The following MFSD8 variants were observed in gnomAD, a reference collection of about 807,000 sequenced individuals.
The protein encoded by MFSD8 is major facilitator superfamily domain-containing protein 8.
In MFSD8, 55 loss-of-function variants were observed where a neutral mutation model predicts 66.4. That is an observed-to-expected ratio of 0.83 (90% CI 0.67 to 1.04). The LOEUF is 1.04. MFSD8 is among the 50% of genes least tolerant of loss of function. The pLI is 0.00. For synonymous variants in MFSD8, 202 were observed against 212.8 expected (o/e 0.95, Z 0.44); for missense variants, 550 against 627.6 (o/e 0.88, Z 1.32).
rs202196597 is a variant in MFSD8, at chr4:127,930,833, T to A, written c.864-16A>T. 2.2e-4 allele frequency: 348 copies of A among 1,588,630 alleles called. 3 individuals carry two copies. The East Asian group carries it at 6.6e-3, about 30-fold the overall frequency. ...AGTAATGATGCTAAGAAAAAAAAAA[T>A]TATTCTTATTTTATTTAAATCACAG... On this transcript the variant is annotated splice_polypyrimidine_tract_variant and intron_variant, in intron 8 of 11. Transcript: ENST00000641686.
intron 9 of MFSD8, 82 bp from the exon 10 acceptor site, chr4:127,922,045 AAAT>A: frequency 1.6e-6 from 2 of 1,224,360 alleles, no homozygotes; most frequent in Non-Finnish European, 2.4e-6. Context: ...TAAAAACTAA[AAAT>A]AATATCTTGT....
intron 6 of MFSD8, chr4:127,939,189 C>T (rs956656164): frequency 1.8e-5 from 3 of 163,686 alleles, no homozygotes; most frequent in African/African-American, 4.8e-5. Context: ...AAAATTTTTT[C>T]GAATATATAA....
intron 4 of MFSD8, 47 bp downstream of exon 4, chr4:127,943,705 G>A: frequency 6.2e-7 from 1 of 1,612,516 alleles, no homozygotes; most frequent in Non-Finnish European, 8.5e-7. Context: ...ATAAATGTCA[G>A]AATGAATGTG....
At chr4:127,962,922 T>C (rs756730674) in intron 1 of MFSD8, among the ~76,000 whole-genome samples, 6 of 152,154 alleles carry the variant, frequency 3.9e-5, no homozygotes, top group African/African-American at 7.2e-5. Context: ...GGTTGGTGCT[T>C]AAGGGGAACA....
chr4:127,948,114 T>C (rs1384502677), intron 3 of MFSD8, among the ~76,000 whole-genome samples: 1 of 152,164 alleles, frequency 6.6e-6, no homozygotes, highest in Admixed American at 6.5e-5. Flanking sequence ...TATTGAAAGG[T>C]AGGACCTTTA....
At chr4:127,937,244 T>C (rs1275656989) in intron 7 of MFSD8, among the ~76,000 whole-genome samples, 1 of 152,104 alleles carries the variant, frequency 6.6e-6, no homozygotes, top group Admixed American at 6.5e-5. Flanking sequence ...GCCTGTGGGA[T>C]TTTTTAGTTG....
intron 9 of MFSD8, among the ~76,000 whole-genome samples, chr4:127,926,519 CT>C (rs2148859500): frequency 6.6e-6 from 1 of 151,942 alleles, no homozygotes; most frequent in Admixed American, 6.6e-5. Context: ...TGTTTATTGG[CT>C]TTCCCCCTAC....
chr4:127,924,060 G>C, intron 9 of MFSD8, among the ~76,000 whole-genome samples: 1 of 152,062 alleles, frequency 6.6e-6, no homozygotes, highest in East Asian at 1.9e-4. Context: ...AAGGAATGGA[G>C]TTTCAGAAGG....
chr4:127,944,325 T>C (rs1318088673), intron 3 of MFSD8, among the ~76,000 whole-genome samples: 1 of 152,192 alleles, frequency 6.6e-6, no homozygotes, highest in East Asian at 1.9e-4. Flanking sequence ...ATATAAGCTA[T>C]TCTTTAATTC....
rs1300213171 is a variant in MFSD8 at position 127,918,517 on chromosome 4, T to C, written c.*2113A>G. 1.3e-5 allele frequency: 2 copies of C among 152,224 alleles called. No homozygotes were observed. The highest frequency in any genetic ancestry group is 1.9e-4 in the East Asian group (1 of 5,204). 9.4% of individuals were successfully genotyped at this position (152,224 alleles called of 1,614,324 possible). On this transcript the variant is annotated 3_prime_UTR_variant, in exon 12 of 12. Transcript: ENST00000641686. ...TATTCTTGCTGGAAACAGGTTATTATGCTAAGACAAAAGCTCCAGTCAGTG... is the reference window on the plus strand; with the variant it reads ...TATTCTTGCTGGAAACAGGTTATTACGCTAAGACAAAAGCTCCAGTCAGTG...
rs1165878895 is a variant in MFSD8 at position 127,964,681 on chromosome 4, T to C, written c.62+391A>G. The C allele has an allele frequency of 7.0e-5, 20 of 285,642 alleles. No homozygotes were observed. In the Admixed American group the frequency reaches 8.7e-4, roughly 12 times the overall value. 17.7% of individuals were successfully genotyped at this position (285,642 alleles called of 1,614,324 possible). ...CACCTTGGCCAGCCCAGAAAGGGGC[T>C]CCCACAGTGCAGCGGTGGGCTGAAG... On this transcript the variant is annotated intron_variant, in intron 1 of 11. Transcript: ENST00000641686.
intron 1 of MFSD8, among the ~76,000 whole-genome samples, chr4:127,963,615 G>C (rs1579020599): frequency 6.6e-6 from 1 of 152,260 alleles, no homozygotes; most frequent in East Asian, 1.9e-4. Flanking sequence ...GTCTGGAGTT[G>C]TTCGTTCCTC....
intron 8 of MFSD8, chr4:127,932,773 A>C (rs999983106): frequency 2.0e-5 from 9 of 446,688 alleles, no homozygotes; most frequent in Non-Finnish European, 3.2e-5. Flanking sequence ...TTCTTTTATA[A>C]GAAAATAAGA....
intron 2 of MFSD8, among the ~76,000 whole-genome samples, chr4:127,953,543 GTTTTTT>G (rs952826538): frequency 4.5e-5 from 3 of 67,030 alleles, no homozygotes; most frequent in African/African-American, 1.3e-4. Flanking sequence ...AAGGCATTCT[GTTTTTT>G]TTTTTTTTTT....
Position 127,942,178 on chromosome 4 carries a change from A to C in MFSD8, c.440-20T>G. 2 of 1,546,250 alleles carry C rather than the reference A, an allele frequency of 1.3e-6. No homozygotes were observed. Among genetic ancestry groups the C allele is most frequent in the Non-Finnish European group, 1.8e-6 (2 of 1,118,932 alleles). On this transcript the variant is annotated intron_variant, in intron 4 of 11. Transcript: ENST00000641686. Reference sequence around the variant, plus strand: ...CATTTCCTTAAAAACAAGACACAATAATCCAAAGTAAAAGAAAGTATCATT... The same window carrying C: ...CATTTCCTTAAAAACAAGACACAATCATCCAAAGTAAAAGAAAGTATCATT...
At chr4:127,931,398 C>T (rs966188432) in intron 8 of MFSD8, among the ~76,000 whole-genome samples, 6 of 152,146 alleles carry the variant, frequency 3.9e-5, no homozygotes, top group African/African-American at 1.4e-4. Context: ...CACTCTGTCA[C>T]CTGGGCTGGA....
At chr4:127,956,382 C>A (rs1385933327) in intron 2 of MFSD8, among the ~76,000 whole-genome samples, 2 of 151,164 alleles carry the variant, frequency 1.3e-5, no homozygotes, top group African/African-American at 4.9e-5. Flanking sequence ...TGTCTGTAGT[C>A]CCAGCTACTC....
At chr4:127,951,551 T>C (rs2148949976) in intron 2 of MFSD8, among the ~76,000 whole-genome samples, 1 of 152,172 alleles carries the variant, frequency 6.6e-6, no homozygotes, top group East Asian at 1.9e-4. Context: ...TTAGAACACA[T>C]TTGTCACCTC....
At chr4:127,952,667 C>T (rs1742187245) in intron 2 of MFSD8, among the ~76,000 whole-genome samples, 1 of 151,916 alleles carries the variant, frequency 6.6e-6, no homozygotes, top group Admixed American at 6.6e-5. Context: ...GTCAGGAGTT[C>T]AAGACCAGCA....
Sources: gnomAD v4.1 joint callset for allele counts (sites outside exome capture counted in the v4.1 genomes callset) on GRCh38, gnomAD v4.1.1 for gene constraint, MANE v1.5 for transcripts, NCBI Gene and HGNC (gene_info 2026-07-23, HGNC 2026-07-21) for gene names.